Variants in RHAG observed in about 807,000 individuals in gnomAD.
RHAG encodes the protein ammonium transporter Rh type A.
RHAG carries 25 observed loss-of-function variants against 42.4 expected under a neutral mutation model. That is an observed-to-expected ratio of 0.59 (90% CI 0.43 to 0.82). The LOEUF (loss-of-function observed/expected upper bound fraction) is 0.82, where lower values mean the gene tolerates loss of function less well. RHAG is among the 40% of genes least tolerant of loss of function. The pLI is 0.00. For missense variants in RHAG, 483 were observed against 504.6 expected (o/e 0.96, Z 0.41); for synonymous variants, 182 against 177.7 (o/e 1.02, Z -0.19).
chr6:49,613,134 A>G (rs1762594709), intron 5 of RHAG, among the ~76,000 whole-genome samples: 1 of 148,688 alleles, frequency 6.7e-6, no homozygotes, highest in Admixed American at 6.8e-5. Context: ...CAGCAGCGCG[A>G]TCTTGGCTCA....
At chr6:49,633,782 C>G (rs1303950259) in intron 1 of RHAG, among the ~76,000 whole-genome samples, 3 of 152,096 alleles carry the variant, frequency 2.0e-5, no homozygotes, top group Non-Finnish European at 2.9e-5. Flanking sequence ...GAAAAAACAT[C>G]TCTTGTCCAA....
chr6:49,627,679 C>G (rs570554635), intron 1 of RHAG, among the ~76,000 whole-genome samples: 1 of 152,214 alleles, frequency 6.6e-6, no homozygotes, highest in Non-Finnish European at 1.5e-5. Flanking sequence ...AATTGACTCA[C>G]AGTTCCACAT....
chr6:49,608,808 C>T (rs1454839464), intron 7 of RHAG, among the ~76,000 whole-genome samples: 1 of 151,924 alleles, frequency 6.6e-6, no homozygotes, highest in Non-Finnish European at 1.5e-5. Context: ...AAGTGAAAAA[C>T]TGGTAGCTTG....
At chr6:49,614,920 C>CTTTA (rs548213135) in intron 4 of RHAG, 67 bp from the exon 5 acceptor site, 7 of 1,398,172 alleles carry the variant, frequency 5.0e-6, no homozygotes, top group East Asian at 2.3e-5. Flanking sequence ...ATGCAGTTTG[C>CTTTA]TTTATTTATT....
At chr6:49,606,787 G>A in intron 9 of RHAG, 61 bp downstream of exon 9, 1 of 1,130,434 alleles carries the variant, frequency 8.8e-7, no homozygotes, top group Non-Finnish European at 1.3e-6. Context: ...GGCTTGAAGT[G>A]TGTAAAGCTT....
chr6:49,620,774 G>T (rs1321307662), intron 1 of RHAG, among the ~76,000 whole-genome samples: 1 of 152,048 alleles, frequency 6.6e-6, no homozygotes, highest in African/African-American at 2.4e-5. Context: ...CAGGTGATCT[G>T]CCCACCTCGG....
chr6:49,616,193 G>T lies in RHAG; in HGVS notation c.493-422C>A, dbSNP rs1762651357. 4.6e-5 allele frequency among the ~76,000 whole-genome samples: 7 copies of T among 152,086 alleles called. No homozygotes were observed. In the South Asian group the frequency reaches 1.5e-3, roughly 32 times the overall value. On this transcript the variant is annotated intron_variant, in intron 3 of 9. Transcript: ENST00000371175. ...GTGATGGAGATTTTGAGTGAAATAT[G>T]TATTGCTCAGCCTGGCCTGGTGGTG... is the stretch of plus-strand genomic sequence containing the variant.
intron 1 of RHAG, among the ~76,000 whole-genome samples, chr6:49,621,554 C>T (rs556109089): frequency 1.3e-5 from 2 of 152,330 alleles, no homozygotes; most frequent in East Asian, 3.9e-4. Context: ...TGAGATTTTA[C>T]CTGACTCGCT....
Position 49,615,258 on chromosome 6 carries a change from G to A in RHAG, c.640+366C>T, listed in dbSNP as rs762367414. 288 of 275,056 alleles carry A rather than the reference G, an allele frequency of 1.0e-3. 1 individual carries two copies. Among genetic ancestry groups the A allele is most frequent in the Non-Finnish European group, 1.8e-3 (266 of 144,918 alleles). The allele number at this position is 275,056 out of a possible 1,614,324, so 17.0% of individuals were successfully genotyped here. On this transcript the variant is annotated intron_variant, in intron 4 of 9. Coordinates refer to ENST00000371175, the MANE Select transcript of RHAG (RefSeq NM_000324.3). ...AGCCACCACGCCCAGCCTGGAGGAT[G>A]TAGTTTCCTTTGGCCACTGACAATG...
intron 7 of RHAG, among the ~76,000 whole-genome samples, chr6:49,607,787 T>C (rs547022936): frequency 1.3e-5 from 2 of 152,312 alleles, no homozygotes; most frequent in Non-Finnish European, 2.9e-5. Context: ...GTTATATGAA[T>C]GACAAATGAC....
intron 1 of RHAG, among the ~76,000 whole-genome samples, chr6:49,634,553 C>T (rs1014994819): frequency 1.8e-4 from 28 of 151,942 alleles, no homozygotes; most frequent in African/African-American, 6.0e-4. Flanking sequence ...AGCCAAGATA[C>T]GTAATCAACC....
intron 1 of RHAG, among the ~76,000 whole-genome samples, chr6:49,631,179 G>T (rs1007056041): frequency 5.9e-5 from 9 of 152,104 alleles, no homozygotes; most frequent in Non-Finnish European, 1.2e-4. Context: ...AACTGGTGTT[G>T]CCAGACCTCT....
chr6:49,632,654 G>A (rs1392574222), intron 1 of RHAG, among the ~76,000 whole-genome samples: 9 of 152,094 alleles, frequency 5.9e-5, no homozygotes, highest in Admixed American at 5.9e-4. Flanking sequence ...GAGTAAATGA[G>A]CCAATCAAAG....
At chr6:49,631,388 G>A (rs1435656678) in intron 1 of RHAG, among the ~76,000 whole-genome samples, 3 of 152,036 alleles carry the variant, frequency 2.0e-5, no homozygotes, top group Non-Finnish European at 4.4e-5. Flanking sequence ...ATATTAATTA[G>A]TATTCTTCTA....
In RHAG at chr6:49,614,839, A is replaced by C; in HGVS notation, c.655T>G (p.Trp219Gly). ...GAGTTAAAGCTGGGCCAAAACATCC[A>C]CAGAAAGAGAGTCCCTGTAGTGAAC... The part of the protein sequence containing the change: ...LFAMIGTLFL[W>G]MFWPSFNSAI... Residue 219 changes from tryptophan to glycine, a missense_variant, in exon 5 of 10, where the codon TGG becomes GGG. By Grantham distance (184) the Trp-to-Gly change is radical (BLOSUM62 -2). Coordinates refer to ENST00000371175, the MANE Select transcript of RHAG (RefSeq NM_000324.3). The C allele has an allele frequency of 1.2e-6, 2 of 1,614,204 alleles. No individual in the cohort carries two copies. The highest frequency in any genetic ancestry group is 1.7e-6 in the Non-Finnish European group (2 of 1,180,044).
At chr6:49,615,800 T>G in intron 3 of RHAG, 29 bp from the exon 4 acceptor site, 1 of 1,611,726 alleles carries the variant, frequency 6.2e-7, no homozygotes, top group Non-Finnish European at 8.5e-7. Context: ...TTCACATAAA[T>G]AGAGGTGAAC....
In RHAG at chr6:49,605,707, G is replaced by A; in HGVS notation, c.*106C>T. On this transcript the variant is annotated 3_prime_UTR_variant, in exon 10 of 10. Transcript: ENST00000371175. Reference sequence around the variant, plus strand: ...TGGTTACTCCCTTTTTGTTTATTTGGACTTGATTCTGGATAATGGGAAAGG... The same window carrying A: ...TGGTTACTCCCTTTTTGTTTATTTGAACTTGATTCTGGATAATGGGAAAGG... 1 of 1,056,448 alleles carries A rather than the reference G, an allele frequency of 9.5e-7. No individual in the cohort carries two copies. Among genetic ancestry groups the A allele is most frequent in the African/African-American group, 1.6e-5 (1 of 64,274 alleles). 65.4% of individuals were successfully genotyped at this position (1,056,448 alleles called of 1,614,324 possible).
At chr6:49,629,920 C>T (rs1252734574) in intron 1 of RHAG, among the ~76,000 whole-genome samples, 1 of 152,318 alleles carries the variant, frequency 6.6e-6, no homozygotes, top group East Asian at 1.9e-4. Context: ...GGTTCCCGCT[C>T]GCGCCTCTCC....
chr6:49,631,264 A>G (rs968543518), intron 1 of RHAG, among the ~76,000 whole-genome samples: 1 of 152,230 alleles, frequency 6.6e-6, no homozygotes. Flanking sequence ...TGTGAATGCC[A>G]TGTTATCCAA....
Sources: allele counts gnomAD v4.1 joint callset (sites outside exome capture counted in the v4.1 genomes callset), GRCh38; gene constraint gnomAD v4.1.1; transcripts MANE v1.5; gene names NCBI Gene and HGNC (gene_info 2026-07-23, HGNC 2026-07-21).